The following PINX1 variants were observed in gnomAD, a reference collection of about 807,000 sequenced individuals.
PINX1 encodes the protein PIN2/TERF1-interacting telomerase inhibitor 1.
A neutral mutation model predicts 25.4 loss-of-function variants in PINX1; 34 were observed. The ratio of observed to expected loss-of-function variants is 1.34; its 90% CI spans 1.02 to 1.78. PINX1 has a LOEUF of 1.78. PINX1 is among the 40% of genes most tolerant of loss of function. The probability of loss-of-function intolerance (pLI) is 0.00; values close to 1 mark genes in which losing one functional copy is unlikely to be tolerated. For synonymous variants in PINX1, 197 were observed against 147.7 expected, an observed-to-expected ratio of 1.33 and a Z score of -2.42; for missense variants, 592 against 404.9, an observed-to-expected ratio of 1.46 and a Z score of -3.97.
At chr8:10,802,692 C>G (rs1301205866) in intron 6 of PINX1, among the ~76,000 whole-genome samples, 1 of 152,192 alleles carries the variant, frequency 6.6e-6, no homozygotes, top group East Asian at 1.9e-4. Context: ...CTACACCTCA[C>G]TTCGGTCCCA....
At chr8:10,808,284 T>C (rs1002819022) in intron 6 of PINX1, among the ~76,000 whole-genome samples, 18 of 152,304 alleles carry the variant, frequency 1.2e-4, no homozygotes, top group Middle Eastern at 3.4e-3. Context: ...ATGCAAGTTA[T>C]TATTGTAAAA....
chr8:10,821,076 T>C (rs1797853052), intron 5 of PINX1, among the ~76,000 whole-genome samples: 2 of 152,360 alleles, frequency 1.3e-5, no homozygotes, highest in South Asian at 4.1e-4. Flanking sequence ...GTCAACGGCA[T>C]GGTAAATGCA....
intron 6 of PINX1, among the ~76,000 whole-genome samples, chr8:10,780,738 T>G (rs912055972): frequency 8.5e-5 from 13 of 152,332 alleles, no homozygotes; most frequent in African/African-American, 3.1e-4. Flanking sequence ...AGATATTCCA[T>G]GCTTATGAAT....
intron 6 of PINX1, among the ~76,000 whole-genome samples, chr8:10,777,448 G>A (rs1049471976): frequency 6.6e-6 from 1 of 152,206 alleles, no homozygotes; most frequent in African/African-American, 2.4e-5. Flanking sequence ...AGCGAGATAA[G>A]ACCAGAGATT....
At chr8:10,813,260 G>A (rs1482308087) in intron 6 of PINX1, among the ~76,000 whole-genome samples, 1 of 152,086 alleles carries the variant, frequency 6.6e-6, no homozygotes, top group Non-Finnish European at 1.5e-5. Flanking sequence ...TGCAGGAAGG[G>A]GGATCCACCT....
At position 10,820,235 on chromosome 8, in the gene PINX1, A is replaced by G; in HGVS notation, c.429T>C (p.Leu143=). Residue 143 remains leucine, a synonymous_variant, in exon 6 of 7, where the codon CTT becomes CTC. Coordinates refer to ENST00000314787, the MANE Select transcript of PINX1 (RefSeq NM_017884.6). ...KDLSSRSKTD[L]DCIFGKRQSK... ...TCTGTCTTTTCCCAAAAATGCAGTC[A>G]AGATCTGTTTTGCTCCGAGATGACA... The G allele has an allele frequency of 1.2e-6, 2 of 1,613,128 alleles. No individual in the cohort carries two copies. The highest frequency in any genetic ancestry group is 1.7e-6 in the Non-Finnish European group (2 of 1,179,194).
At chr8:10,832,792 T>C (rs1018614383) in intron 3 of PINX1, 100 bp downstream of exon 3, 7 of 662,612 alleles carry the variant, frequency 1.1e-5, no homozygotes, top group Admixed American at 1.0e-4. Flanking sequence ...AAAGAAGTGC[T>C]GCACCAATGG....
chr8:10,800,456 T>C (rs1190287618), intron 6 of PINX1, among the ~76,000 whole-genome samples: 3 of 151,542 alleles, frequency 2.0e-5, no homozygotes, highest in Admixed American at 6.6e-5. Context: ...TTACATGATC[T>C]GACTGAGAAT....
intron 1 of PINX1, among the ~76,000 whole-genome samples, chr8:10,838,157 G>A (rs1563243400): frequency 6.6e-6 from 1 of 152,200 alleles, no homozygotes; most frequent in East Asian, 1.9e-4. Flanking sequence ...TAGTTCTGAA[G>A]GCTGCCCAAT....
rs560912096 is a variant in PINX1 at position 10,770,491 on chromosome 8, T to A, written c.472-4575A>T. 2.6e-5 allele frequency among the ~76,000 whole-genome samples: 4 copies of A among 152,332 alleles called. No individual in the cohort carries two copies. In the East Asian group the frequency reaches 7.7e-4, roughly 29 times the overall value. On this transcript the variant is annotated intron_variant, in intron 6 of 6. Coordinates refer to ENST00000314787, the MANE Select transcript of PINX1 (RefSeq NM_017884.6). ...CAACTCTTCTCGGATGTCTACAGAATTAAAGTCTGTTCTGCTTCTTTTAGG... is the reference window on the plus strand; with the variant it reads ...CAACTCTTCTCGGATGTCTACAGAAATAAAGTCTGTTCTGCTTCTTTTAGG...
At chr8:10,766,635 A>G (rs1055520677) in intron 6 of PINX1, among the ~76,000 whole-genome samples, 1 of 152,200 alleles carries the variant, frequency 6.6e-6, no homozygotes, top group African/African-American at 2.4e-5. Context: ...CTCCTTCCCT[A>G]ACAAAAACTG....
intron 6 of PINX1, among the ~76,000 whole-genome samples, chr8:10,785,390 T>G (rs185331736): frequency 6.6e-6 from 1 of 152,202 alleles, no homozygotes. Context: ...TTAGACTCCA[T>G]CCAATCATGC....
chr8:10,785,682 T>G (rs1801725693), intron 6 of PINX1, among the ~76,000 whole-genome samples: 1 of 152,236 alleles, frequency 6.6e-6, no homozygotes, highest in South Asian at 2.1e-4. Flanking sequence ...AAGAAAGATC[T>G]TAAATACAAA....
chr8:10,801,178 C>T (rs936118787), intron 6 of PINX1, among the ~76,000 whole-genome samples: 3 of 152,116 alleles, frequency 2.0e-5, no homozygotes, highest in African/African-American at 7.2e-5. Flanking sequence ...AGATTAATCA[C>T]GCCTATCCTG....
chr8:10,766,412 C>A (rs925462738), intron 6 of PINX1, among the ~76,000 whole-genome samples: 1 of 152,206 alleles, frequency 6.6e-6, no homozygotes, highest in Non-Finnish European at 1.5e-5. Context: ...ATAGGTTAAC[C>A]TTCCATGAGG....
At chr8:10,800,399 G>C (rs1345863723) in intron 6 of PINX1, among the ~76,000 whole-genome samples, 1 of 151,966 alleles carries the variant, frequency 6.6e-6, no homozygotes, top group Non-Finnish European at 1.5e-5. Flanking sequence ...AAGTAACTTG[G>C]GTTCTTCTTG....
chr8:10,811,103 G>A (rs540222924), intron 6 of PINX1, among the ~76,000 whole-genome samples: 2 of 152,340 alleles, frequency 1.3e-5, no homozygotes, highest in African/African-American at 2.4e-5. Flanking sequence ...CATGTGCTGG[G>A]CACTTCGCTA....
At chr8:10,819,571 T>G (rs1352243550) in intron 6 of PINX1, among the ~76,000 whole-genome samples, 1 of 152,244 alleles carries the variant, frequency 6.6e-6, no homozygotes, top group Non-Finnish European at 1.5e-5. Flanking sequence ...GCACAAAAAA[T>G]TCTTTGCAAT....
chr8:10,804,851 C>G (rs534746073), intron 6 of PINX1, among the ~76,000 whole-genome samples: 22 of 151,938 alleles, frequency 1.4e-4, no homozygotes, highest in Non-Finnish European at 2.9e-4. Flanking sequence ...ACTTTGTCCC[C>G]CACAACCCTG....
Sources: allele counts gnomAD v4.1 joint callset (sites outside exome capture counted in the v4.1 genomes callset), GRCh38; gene constraint gnomAD v4.1.1; transcripts MANE v1.5; gene names NCBI Gene and HGNC (gene_info 2026-07-23, HGNC 2026-07-21).